The following CSMD1 variants were observed in gnomAD, a reference collection of about 807,000 sequenced individuals.
CSMD1 encodes CUB and sushi domain-containing protein 1.
CSMD1 carries 213 observed loss-of-function variants against 417.5 expected under a neutral mutation model. That is an observed-to-expected ratio of 0.51 (90% CI 0.46 to 0.57). CSMD1 has a LOEUF of 0.57. Among genes scored for constraint, CSMD1 ranks in the 20% least tolerant of loss-of-function variants. The pLI, the probability that CSMD1 is intolerant of heterozygous loss-of-function variation, is 0.00. For synonymous variants in CSMD1, 2,862 were observed against 1,736.8 expected, an observed-to-expected ratio of 1.65 and a Z score of -16.11; for missense variants, 6,923 against 4,529.7, an observed-to-expected ratio of 1.53 and a Z score of -15.17.
At chr8:3,492,639 C>A (rs549734801) in intron 11 of CSMD1, among the ~76,000 whole-genome samples, 2 of 152,290 alleles carry the variant, frequency 1.3e-5, no homozygotes, top group East Asian at 3.9e-4. Flanking sequence ...TGGACAAAAA[C>A]TGTCTTTGAG....
chr8:3,837,418 T>C (rs1013493907), intron 5 of CSMD1, among the ~76,000 whole-genome samples: 1 of 152,254 alleles, frequency 6.6e-6, no homozygotes. Flanking sequence ...CTCAAAGGAC[T>C]GCCTACGTCA....
rs187860217 is a variant in CSMD1 at position 3,294,251 on chromosome 8, G to C, written c.3951-9905C>G. Among the ~76,000 whole-genome samples the C allele has an allele frequency of 2.0e-4, 31 of 152,274 alleles. 1 individual carries two copies. In the East Asian group the frequency reaches 5.6e-3, roughly 28 times the overall value. ...GGCCCCTACTGGGGGGTGCCTCCCA[G>C]TTAGGCTACTCAGGGGTCAGGGACC... On this transcript the variant is annotated intron_variant, in intron 25 of 69. Coordinates refer to ENST00000635120, the MANE Select transcript of CSMD1 (RefSeq NM_033225.6).
At chr8:3,477,735 G>A (rs1055237459) in intron 11 of CSMD1, among the ~76,000 whole-genome samples, 2 of 152,302 alleles carry the variant, frequency 1.3e-5, no homozygotes, top group East Asian at 3.9e-4. Context: ...GCACTCTTGG[G>A]TCTCTCACAT....
Position 3,330,843 on chromosome 8 carries a change from G to C in CSMD1, c.3631+12451C>G, listed in dbSNP as rs150442535. On this transcript the variant is annotated intron_variant, in intron 23 of 69. Coordinates refer to ENST00000635120, the MANE Select transcript of CSMD1 (RefSeq NM_033225.6). ...TATAGGAATGAATTATCAGCAGGTA[G>C]GATACTATAGCAAAACTGTTTTTAT... Among the ~76,000 whole-genome samples, 156 of 152,298 alleles carry C rather than the reference G, an allele frequency of 1.0e-3. 2 individuals are homozygous for C. The East Asian group carries it at 0.028, about 28-fold the overall frequency.
intron 23 of CSMD1, among the ~76,000 whole-genome samples, chr8:3,331,187 G>C (rs562337113): frequency 6.7e-6 from 1 of 150,120 alleles, no homozygotes; most frequent in African/African-American, 2.5e-5. Flanking sequence ...GCAGTGAGCC[G>C]AGATCGTGCC....
At chr8:4,327,404 G>T (rs1402112955) in intron 3 of CSMD1, among the ~76,000 whole-genome samples, 1 of 152,092 alleles carries the variant, frequency 6.6e-6, no homozygotes, top group Non-Finnish European at 1.5e-5. Flanking sequence ...TATTTCCTTG[G>T]GCAAATTGCA....
intron 60 of CSMD1, among the ~76,000 whole-genome samples, chr8:2,962,914 G>A (rs182151837): frequency 1.5e-4 from 23 of 152,260 alleles, no homozygotes; most frequent in Non-Finnish European, 3.1e-4. Flanking sequence ...TGGGTTTGGT[G>A]GCACACACCT....
chr8:3,742,908 C>A (rs550887383), intron 6 of CSMD1, among the ~76,000 whole-genome samples: 6 of 152,306 alleles, frequency 3.9e-5, no homozygotes, highest in African/African-American at 1.4e-4. Flanking sequence ...TATTTCCGTG[C>A]GAATGCGCTG....
chr8:4,018,283 T>C (rs1796618671), intron 4 of CSMD1, among the ~76,000 whole-genome samples: 1 of 152,092 alleles, frequency 6.6e-6, no homozygotes, highest in Non-Finnish European at 1.5e-5. Context: ...GAGTCTATCT[T>C]TTGGGATTAC....
rs761389156 is a variant in CSMD1 at position 3,406,111 on chromosome 8, C to G, written c.2182G>C (p.Val728Leu). 2.2e-5 allele frequency: 36 copies of G among 1,613,772 alleles called. No individual in the cohort carries two copies. The highest frequency in any genetic ancestry group is 6.7e-5 in the East Asian group (3 of 44,862). Residue 728 changes from valine to leucine, a missense_variant, in exon 15 of 70, where the codon GTC (valine) becomes CTC (leucine). Coordinates refer to ENST00000635120, the MANE Select transcript of CSMD1 (RefSeq NM_033225.6). ...ATGGACTCGGATCCCTGGGTCTTGA[C>G]AAAGCCATCATCACAGTGGAAAGAA... ...SVSFHCDDGF[V>L]KTQGSESITC...
chr8:2,943,544 T>C (rs1306344101), intron 68 of CSMD1, among the ~76,000 whole-genome samples: 1 of 152,142 alleles, frequency 6.6e-6, no homozygotes, highest in Non-Finnish European at 1.5e-5. Flanking sequence ...ATACCTTTTG[T>C]CCATTAGAAA....
chr8:3,471,662 T>TTCCC lies in CSMD1; in HGVS notation c.1449-2842_1449-2839dup, dbSNP rs147772981. On this transcript the variant is annotated intron_variant, in intron 11 of 69. Transcript: ENST00000635120. ...CCTTCTTCCTCTCTCCTTCCTTCCT[T>TTCCC]TCCCTCCCTCCCTCCCTTCCTTCCT... Among the ~76,000 whole-genome samples the TTCCC allele has an allele frequency of 1.6e-3, 236 of 143,650 alleles. 1 individual carries two copies. The highest frequency in any genetic ancestry group is 2.9e-3 in the Non-Finnish European group (192 of 65,214). 94.2% of individuals were successfully genotyped at this position (143,650 alleles called of 152,430 possible).
At chr8:4,104,840 C>T (rs1440156325) in intron 3 of CSMD1, among the ~76,000 whole-genome samples, 1 of 152,138 alleles carries the variant, frequency 6.6e-6, no homozygotes, top group African/African-American at 2.4e-5. Context: ...AGATCAAAGC[C>T]TCTGAGTGCT....
At chr8:4,017,521 G>C (rs370195967) in intron 4 of CSMD1, among the ~76,000 whole-genome samples, 1 of 152,008 alleles carries the variant, frequency 6.6e-6, no homozygotes, top group Non-Finnish European at 1.5e-5. Context: ...GGTCAGGCTG[G>C]TCTCGAACTC....
At chr8:3,496,271 G>A (rs1228043484) in intron 10 of CSMD1, among the ~76,000 whole-genome samples, 4 of 152,142 alleles carry the variant, frequency 2.6e-5, no homozygotes, top group African/African-American at 9.7e-5. Flanking sequence ...CCAAAATCCT[G>A]CCTATCCCCT....
At chr8:3,841,363 C>T (rs906291431) in intron 5 of CSMD1, among the ~76,000 whole-genome samples, 6 of 152,090 alleles carry the variant, frequency 3.9e-5, no homozygotes, top group Non-Finnish European at 7.4e-5. Flanking sequence ...ACCATGCTTT[C>T]GTTATGTGGT....
chr8:4,017,098 T>A (rs1455285904), intron 4 of CSMD1, among the ~76,000 whole-genome samples: 3 of 152,204 alleles, frequency 2.0e-5, no homozygotes, highest in African/African-American at 4.8e-5. Context: ...GTGACCGCGG[T>A]GTTCAGCCAG....
intron 10 of CSMD1, among the ~76,000 whole-genome samples, chr8:3,525,590 C>T (rs1371930238): frequency 6.6e-6 from 1 of 152,172 alleles, no homozygotes; most frequent in Non-Finnish European, 1.5e-5. Context: ...AGGGATAAGT[C>T]TGTCACTAGG....
intron 5 of CSMD1, among the ~76,000 whole-genome samples, chr8:3,817,428 G>A (rs960280879): frequency 6.6e-5 from 10 of 151,528 alleles, no homozygotes; most frequent in African/African-American, 2.4e-4. Context: ...CTATAGGCGT[G>A]CGCCAACATT....
Sources: gnomAD v4.1 joint callset for allele counts (sites outside exome capture counted in the v4.1 genomes callset) on GRCh38, gnomAD v4.1.1 for gene constraint, MANE v1.5 for transcripts, NCBI Gene and HGNC (gene_info 2026-07-23, HGNC 2026-07-21) for gene names.